The following SUPT20H variants were observed in gnomAD, a reference collection of about 807,000 sequenced individuals.
The protein encoded by SUPT20H is SPT20 homolog, SAGA complex component.
A neutral mutation model predicts 122.8 loss-of-function variants in SUPT20H; 82 were observed. The observed-to-expected ratio is 0.67, with a 90% CI of 0.56 to 0.80. The LOEUF is 0.80. SUPT20H is among the 30% of genes least tolerant of loss of function. The pLI, the probability that SUPT20H is intolerant of heterozygous loss-of-function variation, is 0.00. For synonymous variants in SUPT20H, 291 were observed against 313.0 expected (o/e 0.93, Z 0.74); for missense variants, 831 against 921.6 (o/e 0.90, Z 1.27).
intron 10 of SUPT20H, among the ~76,000 whole-genome samples, chr13:37,032,281 A>C (rs954715939): frequency 2.6e-5 from 4 of 152,048 alleles, no homozygotes; most frequent in Non-Finnish European, 5.9e-5. Context: ...ATGTGAGCTG[A>C]GATAGGAATG....
At chr13:37,031,991 G>T (rs2063423093) in intron 10 of SUPT20H, 96 bp from the exon 11 acceptor site, 2 of 1,140,936 alleles carry the variant, frequency 1.8e-6, no homozygotes, top group Non-Finnish European at 2.4e-6. Context: ...TGTACAAATC[G>T]TGTTTATAGA....
chr13:37,045,425 AAAT>A, intron 5 of SUPT20H, 52 bp from the exon 6 acceptor site: 1 of 1,592,142 alleles, frequency 6.3e-7, no homozygotes, highest in Non-Finnish European at 8.5e-7. Context: ...TAACCTTAAC[AAAT>A]AATGCTATGA....
At chr13:37,046,352 ATG>A (rs2066424510) in intron 5 of SUPT20H, among the ~76,000 whole-genome samples, 1 of 152,166 alleles carries the variant, frequency 6.6e-6, no homozygotes, top group East Asian at 1.9e-4. Context: ...TTTTTACAGT[ATG>A]TGTACCTCTT....
At position 37,022,381 on chromosome 13, in the gene SUPT20H, G is replaced by A. The variant is rs1268858591; in HGVS notation, c.1592-301C>T. 1.5e-6 allele frequency: 2 copies of A among 1,335,358 alleles called. No homozygotes were observed. The highest frequency in any genetic ancestry group is 1.9e-6 in the Non-Finnish European group (2 of 1,044,018). The allele number at this position is 1,335,358 out of a possible 1,614,324, so 82.7% of individuals were successfully genotyped here. A position where few individuals can be genotyped will look rare whatever the true frequency, so the allele number is the denominator to read the frequency against. On this transcript the variant is annotated intron_variant, in intron 19 of 25. Coordinates refer to ENST00000350612, the MANE Select transcript of SUPT20H (RefSeq NM_001014286.3). The surrounding 1 kb of genome is among the most constrained non-coding windows in gnomAD (Gnocchi z 4.5). ...AAATGGCCAGTCCTTTTAAAATAAG[G>A]TTAATGGAATCTTACTTAGCACTGA... is the stretch of plus-strand genomic sequence containing the variant.
rs186845506 is a variant in SUPT20H, at chr13:37,054,953, A to G, written c.-93-3370T>C. ...ACAAAATCAATGTGCAAAAATCACA[A>G]GCATTCTTATACACCAATAACAGAC... is the stretch of plus-strand genomic sequence containing the variant. On this transcript the variant is annotated intron_variant, in intron 1 of 25. Transcript: ENST00000350612. Among the ~76,000 whole-genome samples the G allele has an allele frequency of 3.0e-3, 457 of 152,336 alleles. 1 individual carries two copies. Among genetic ancestry groups the G allele is most frequent in the Non-Finnish European group, 4.6e-3 (315 of 68,024 alleles).
At position 37,009,411 on chromosome 13, in the gene SUPT20H, A is replaced by ATTAT. The variant is rs1179522376; in HGVS notation, c.*257_*260dup. ...CTACATTCTTCTGAAAGATGTTTCTATTATTTCTTAGGTCACTTCCATATA... is the reference window on the plus strand; with the variant it reads ...CTACATTCTTCTGAAAGATGTTTCTATTATTTATTTCTTAGGTCACTTCCATATA... On this transcript the variant is annotated 3_prime_UTR_variant, in exon 26 of 26. Transcript: ENST00000350612. The ATTAT allele has an allele frequency of 1.3e-6, 1 of 768,508 alleles. No individual in the cohort carries two copies. Among genetic ancestry groups the ATTAT allele is most frequent in the East Asian group, 2.7e-5 (1 of 37,354 alleles). 47.6% of individuals were successfully genotyped at this position (768,508 alleles called of 1,614,324 possible). A position where few individuals can be genotyped will look rare whatever the true frequency, so the allele number is the denominator to read the frequency against.
intron 9 of SUPT20H, among the ~76,000 whole-genome samples, chr13:37,037,172 G>A (rs1237155606): frequency 6.9e-6 from 1 of 144,452 alleles, no homozygotes; most frequent in African/African-American, 2.6e-5. Flanking sequence ...ACTGCAACCT[G>A]AGTTGCAACC....
At chr13:37,037,007 C>A (rs1203297394) in intron 9 of SUPT20H, among the ~76,000 whole-genome samples, 2 of 151,790 alleles carry the variant, frequency 1.3e-5, no homozygotes, top group Non-Finnish European at 2.9e-5. Flanking sequence ...TCAGCCTGGG[C>A]AACACAGTGA....
Position 37,059,572 on chromosome 13 carries a change from C to A in SUPT20H, c.-107G>T, listed in dbSNP as rs1375527441. The A allele has an allele frequency of 6.6e-6, 1 of 152,448 alleles. No homozygotes were observed. Among genetic ancestry groups the A allele is most frequent in the East Asian group, 1.9e-4 (1 of 5,200 alleles). 9.4% of individuals were successfully genotyped at this position (152,448 alleles called of 1,614,324 possible). A position where few individuals can be genotyped will look rare whatever the true frequency, so the allele number is the denominator to read the frequency against. On this transcript the variant is annotated 5_prime_UTR_variant, in exon 1 of 26. In the 5' UTR this introduces an upstream ATG that the reference lacks. Transcript: ENST00000350612. ...GCCACCGCCCACCTGTGCGGGTCGC[C>A]TCGCCGCTAGGCCCCAAGACGGCGC...
intron 13 of SUPT20H, among the ~76,000 whole-genome samples, chr13:37,028,687 T>C (rs528391800): frequency 8.0e-4 from 121 of 152,156 alleles, no homozygotes; most frequent in Non-Finnish European, 1.4e-3. Context: ...TTTTCATGGT[T>C]GGCACTGTTA....
In SUPT20H at chr13:37,033,605, C is replaced by A. The variant is rs762923573; in HGVS notation, c.568-17G>T. Reference sequence around the variant, plus strand: ...TTTGTCTTCCTGAAATGTGTAAGAGCATATGTCAATACCAGATTTAAGATT... The same window carrying A: ...TTTGTCTTCCTGAAATGTGTAAGAGAATATGTCAATACCAGATTTAAGATT... On this transcript the variant is annotated splice_polypyrimidine_tract_variant and intron_variant, in intron 9 of 25. Coordinates refer to ENST00000350612, the MANE Select transcript of SUPT20H (RefSeq NM_001014286.3). 6.2e-7 allele frequency: 1 copy of A among 1,609,432 alleles called. No individual in the cohort carries two copies. Among genetic ancestry groups the A allele is most frequent in the Non-Finnish European group, 8.5e-7 (1 of 1,178,062 alleles).
intron 12 of SUPT20H, among the ~76,000 whole-genome samples, chr13:37,031,102 C>T (rs1057027116): frequency 1.3e-5 from 2 of 152,042 alleles, no homozygotes; most frequent in Non-Finnish European, 2.9e-5. Context: ...GAATACAACC[C>T]AATGTTCCTA....
intron 2 of SUPT20H, among the ~76,000 whole-genome samples, chr13:37,050,347 C>CAA (rs61668901): frequency 0.066 from 4,912 of 73,970 alleles, 128 homozygotes; most frequent in South Asian, 0.071. Flanking sequence ...CTGTCACTAC[C>CAA]AAAAAAAAAA....
chr13:37,040,731 CA>C, intron 7 of SUPT20H, 39 bp from the exon 8 acceptor site: 1 of 1,520,486 alleles, frequency 6.6e-7, no homozygotes, highest in Non-Finnish European at 9.1e-7. Flanking sequence ...TTTTTTTTTC[CA>C]AAAGCCTAAA....
intron 7 of SUPT20H, among the ~76,000 whole-genome samples, chr13:37,042,100 T>C (rs2065576525): frequency 6.6e-6 from 1 of 152,110 alleles, no homozygotes; most frequent in African/African-American, 2.4e-5. Flanking sequence ...ATCTAGAAGA[T>C]GAAGACAAAC....
chr13:37,018,187 A>G (rs2060863335), intron 22 of SUPT20H, among the ~76,000 whole-genome samples: 1 of 152,200 alleles, frequency 6.6e-6, no homozygotes, highest in Admixed American at 6.5e-5. Flanking sequence ...GCTCATCATT[A>G]GGTAAATCTA....
intron 9 of SUPT20H, among the ~76,000 whole-genome samples, chr13:37,033,824 T>C (rs894712208): frequency 3.9e-5 from 6 of 152,216 alleles, no homozygotes; most frequent in African/African-American, 1.4e-4. Context: ...TTCGCAAATA[T>C]TGCACTTTTT....
intron 17 of SUPT20H, chr13:37,024,661 C>A: frequency 3.3e-6 from 1 of 306,396 alleles, no homozygotes. Context: ...TTACAGTACA[C>A]ATAAAGAATG....
At position 37,022,032 on chromosome 13, in the gene SUPT20H, A is replaced by G. The variant is rs772081986; in HGVS notation, c.1640T>C (p.Ile547Thr). ...VMANSAGLNF[I>T]NVVGSVCGAQ... is the part of the protein sequence containing the mutation. ...TTACCAAACAGAGCCCACTACATTG[A>G]TGAAGTTAAGTCCAGCAGAGTTTGC... Residue 547 changes from isoleucine (I) to threonine (T), a missense_variant, in exon 20 of 26, where the codon ATC becomes ACC. Physicochemically the swap from Ile to Thr is moderately conservative, Grantham distance 89. Transcript: ENST00000350612. The surrounding 1 kb of genome is among the most constrained non-coding windows in gnomAD (Gnocchi z 4.5). 1 of 1,609,120 alleles carries G rather than the reference A, an allele frequency of 6.2e-7. No homozygotes were observed. The highest frequency in any genetic ancestry group is 1.1e-5 in the South Asian group (1 of 90,850).
Sources: allele counts gnomAD v4.1 joint callset (sites outside exome capture counted in the v4.1 genomes callset), GRCh38; gene constraint gnomAD v4.1.1; non-coding constraint Gnocchi (gnomAD v3.1); transcripts MANE v1.5; gene names NCBI Gene and HGNC (gene_info 2026-07-23, HGNC 2026-07-21).